The following MAML3 variants were observed in gnomAD, a reference collection of about 807,000 sequenced individuals.
The protein encoded by MAML3 is mastermind like transcriptional coactivator 3, also known as mastermind-like protein 3.
Under a neutral mutation model 101.9 loss-of-function variants are expected in MAML3, and 27 were observed. The observed-to-expected ratio is 0.27, with a 90% CI of 0.20 to 0.37. The LOEUF is 0.37. Ranked by LOEUF, MAML3 falls within the 10% of genes least tolerant of loss-of-function variation. The pLI, the probability that MAML3 is intolerant of heterozygous loss-of-function variation, is 1.00. For missense variants in MAML3, 1,316 were observed against 1,444.9 expected (o/e 0.91, Z 1.45); for synonymous variants, 501 against 555.9 (o/e 0.90, Z 1.39).
intron 1 of MAML3, among the ~76,000 whole-genome samples, chr4:140,025,273 G>A (rs1332388761): frequency 6.6e-6 from 1 of 152,100 alleles, no homozygotes; most frequent in African/African-American, 2.4e-5. Context: ...CCATTTTTCT[G>A]AGAAATAACC....
intron 1 of MAML3, among the ~76,000 whole-genome samples, chr4:139,929,869 C>CTT (rs1168455772): frequency 2.6e-5 from 4 of 152,254 alleles, no homozygotes; most frequent in South Asian, 2.1e-4. Context: ...AGCAACTTTT[C>CTT]TTCTATTCGA....
chr4:139,896,364 CAGAAACTCTTTCCTG>C (rs964639343), intron 1 of MAML3, among the ~76,000 whole-genome samples: 7 of 152,352 alleles, frequency 4.6e-5, no homozygotes, highest in African/African-American at 1.7e-4. Context: ...GGAAGAATCA[CAGAAACTCTTTCCTG>C]AGCATCAGCC....
intron 1 of MAML3, among the ~76,000 whole-genome samples, chr4:140,003,978 G>T (rs1726392765): frequency 6.6e-6 from 1 of 152,206 alleles, no homozygotes. Context: ...ACAAGCAAGA[G>T]AATCACTTAG....
chr4:139,839,897 G>A (rs1731330081), intron 2 of MAML3, among the ~76,000 whole-genome samples: 1 of 152,178 alleles, frequency 6.6e-6, no homozygotes, highest in Non-Finnish European at 1.5e-5. Flanking sequence ...CTGGTGGCCA[G>A]CAGTGGGGAT....
At chr4:139,722,411 T>G (rs1467656398) in intron 4 of MAML3, among the ~76,000 whole-genome samples, 1 of 152,244 alleles carries the variant, frequency 6.6e-6, no homozygotes, top group Non-Finnish European at 1.5e-5. Context: ...GTCCAAGGAA[T>G]TAACTTGTCT....
chr4:139,866,928 C>T (rs1488914989), intron 2 of MAML3, among the ~76,000 whole-genome samples: 6 of 152,186 alleles, frequency 3.9e-5, no homozygotes, highest in Non-Finnish European at 7.3e-5. Context: ...TAGAAAGAAA[C>T]GCAGAGGGCA....
chr4:139,980,648 T>C (rs577372692), intron 1 of MAML3, among the ~76,000 whole-genome samples: 4 of 152,304 alleles, frequency 2.6e-5, no homozygotes, highest in Admixed American at 1.3e-4. Context: ...GGGGTATTCA[T>C]TGTCCATTCA....
chr4:139,957,663 C>T (rs1054956288), intron 1 of MAML3, among the ~76,000 whole-genome samples: 6 of 152,196 alleles, frequency 3.9e-5, no homozygotes, highest in Non-Finnish European at 2.9e-5. Flanking sequence ...ACCCAACAAA[C>T]GGAGAGTTAC....
At chr4:139,897,617 T>C (rs1318094999) in intron 1 of MAML3, among the ~76,000 whole-genome samples, 5 of 152,158 alleles carry the variant, frequency 3.3e-5, no homozygotes, top group Non-Finnish European at 7.3e-5. Context: ...TCTCAATATG[T>C]CTCTCATGAA....
intron 1 of MAML3, among the ~76,000 whole-genome samples, chr4:139,929,968 C>T (rs769684): frequency 0.1 from 15,545 of 152,146 alleles, 2,608 homozygotes; most frequent in African/African-American, 0.34. Flanking sequence ...AATGGGTCCT[C>T]ACTGAGTACT....
chr4:139,973,157 T>G (rs1440700120), intron 1 of MAML3, among the ~76,000 whole-genome samples: 1 of 152,206 alleles, frequency 6.6e-6, no homozygotes, highest in African/African-American at 2.4e-5. Flanking sequence ...TCCTTCTTCT[T>G]AGCATAGTGA....
intron 2 of MAML3, among the ~76,000 whole-genome samples, chr4:139,761,439 C>G (rs938892243): frequency 6.6e-6 from 1 of 152,192 alleles, no homozygotes; most frequent in Non-Finnish European, 1.5e-5. Flanking sequence ...CCTTCTTCCT[C>G]CTCCCTGCTC....
At position 139,790,241 on chromosome 4, in the gene MAML3, AT is replaced by A. The variant is rs1578602444; in HGVS notation, c.2080-59575del. On this transcript the variant is annotated intron_variant, in intron 2 of 4. Coordinates refer to ENST00000509479, the MANE Select transcript of MAML3 (RefSeq NM_018717.5). ...CATATATATATATATATATATATAT[AT>A]AAATAAATATATAAAATAAAATATA... 5.5e-5 allele frequency among the ~76,000 whole-genome samples: 8 copies of A among 144,454 alleles called. No homozygotes were observed. The East Asian group carries it at 1.4e-3, about 26-fold the overall frequency. 94.8% of individuals were successfully genotyped at this position (144,454 alleles called of 152,430 possible).
At chr4:139,753,193 C>A (rs1315423783) in intron 2 of MAML3, among the ~76,000 whole-genome samples, 1 of 152,120 alleles carries the variant, frequency 6.6e-6, no homozygotes, top group Non-Finnish European at 1.5e-5. Context: ...CATTTTAACT[C>A]CTTTTAAGTG....
intron 1 of MAML3, among the ~76,000 whole-genome samples, chr4:140,144,413 T>C (rs1040622570): frequency 6.6e-6 from 1 of 151,572 alleles, no homozygotes; most frequent in Non-Finnish European, 1.5e-5. Context: ...CTGGGAGTGG[T>C]GGCGAGCACC....
intron 2 of MAML3, among the ~76,000 whole-genome samples, chr4:139,736,989 TCTGAAAGGAGCCCATGG>T (rs1429901123): frequency 6.6e-6 from 1 of 152,080 alleles, no homozygotes; most frequent in Non-Finnish European, 1.5e-5. Flanking sequence ...ACCCAAGAAT[TCTGAAAGGAGCCCATGG>T]CTGAAAGGAG....
At chr4:139,817,005 C>T (rs1257567735) in intron 2 of MAML3, among the ~76,000 whole-genome samples, 2 of 152,120 alleles carry the variant, frequency 1.3e-5, no homozygotes, top group Non-Finnish European at 2.9e-5. Flanking sequence ...CTTCCTCCTT[C>T]TAGTTTGTCG....
chr4:139,964,358 T>C (rs751354822), intron 1 of MAML3, among the ~76,000 whole-genome samples: 3 of 151,984 alleles, frequency 2.0e-5, no homozygotes, highest in Non-Finnish European at 2.9e-5. Flanking sequence ...AAACACCACA[T>C]GGTTCTCACT....
At chr4:140,014,053 C>T (rs1424691047) in intron 1 of MAML3, among the ~76,000 whole-genome samples, 1 of 152,200 alleles carries the variant, frequency 6.6e-6, no homozygotes, top group Non-Finnish European at 1.5e-5. Context: ...TACAGATGCT[C>T]CACAATGTGG....
Sources: allele counts gnomAD v4.1 joint callset (sites outside exome capture counted in the v4.1 genomes callset), GRCh38; gene constraint gnomAD v4.1.1; transcripts MANE v1.5; gene names NCBI Gene and HGNC (gene_info 2026-07-23, HGNC 2026-07-21).